ATRNL1: variants seen among roughly 807,000 people sequenced by gnomAD.
ATRNL1 encodes attractin-like protein 1.
A neutral mutation model predicts 182.7 loss-of-function variants in ATRNL1; 95 were observed. The observed-to-expected ratio is 0.52, with a 90% CI of 0.44 to 0.62. The LOEUF is 0.62. ATRNL1 is among the 20% of genes least tolerant of loss of function. The pLI is 0.00. For missense variants in ATRNL1, 1,471 were observed against 1,679.5 expected (o/e 0.88, Z 2.17); for synonymous variants, 576 against 568.3 (o/e 1.01, Z -0.19).
In ATRNL1 at chr10:115,802,750, C is replaced by T. The variant is rs535720551; in HGVS notation, c.3904-45127C>T. Among the ~76,000 whole-genome samples, 8 of 152,192 alleles carry T rather than the reference C, an allele frequency of 5.3e-5. No individual in the cohort carries two copies. The South Asian group carries it at 8.3e-4, about 16-fold the overall frequency. ...CAAAATGACATTCATCTATATGAGA[C>T]GTTTGTTAACTTAAAAGAAATTAAG... On this transcript the variant is annotated intron_variant, in intron 27 of 28. Transcript: ENST00000355044.
chr10:115,785,277 C>G (rs1555080140), intron 27 of ATRNL1, among the ~76,000 whole-genome samples: 1 of 152,206 alleles, frequency 6.6e-6, no homozygotes, highest in Non-Finnish European at 1.5e-5. Flanking sequence ...AATCTGAAAT[C>G]AAGCAGAGAA....
chr10:115,407,083 TTTTCA>T (rs1844867730), intron 20 of ATRNL1, among the ~76,000 whole-genome samples: 1 of 152,158 alleles, frequency 6.6e-6, no homozygotes, highest in Non-Finnish European at 1.5e-5. Flanking sequence ...CTTTAAAATA[TTTTCA>T]TTTATTTATT....
chr10:115,813,234 A>G (rs1950088297), intron 27 of ATRNL1, among the ~76,000 whole-genome samples: 1 of 152,090 alleles, frequency 6.6e-6, no homozygotes, highest in Admixed American at 6.6e-5. Context: ...AAAGTATAAT[A>G]ATAATTAAAT....
chr10:115,114,368 A>G (rs912158499), intron 1 of ATRNL1, among the ~76,000 whole-genome samples: 2 of 152,212 alleles, frequency 1.3e-5, no homozygotes, highest in Non-Finnish European at 2.9e-5. Flanking sequence ...TTCCAAAAGC[A>G]CAGACAGCAA....
At chr10:115,463,052 C>T (rs922017249) in intron 22 of ATRNL1, among the ~76,000 whole-genome samples, 1 of 151,448 alleles carries the variant, frequency 6.6e-6, no homozygotes. Context: ...ATGAATTCAT[C>T]CATATTGTTA....
At chr10:115,222,120 T>A (rs1403090853) in intron 9 of ATRNL1, among the ~76,000 whole-genome samples, 1 of 151,982 alleles carries the variant, frequency 6.6e-6, no homozygotes, top group South Asian at 2.1e-4. Flanking sequence ...TGGATACTCA[T>A]ACTTATGAAT....
At chr10:115,880,489 G>GTGCT (rs1951802539) in intron 28 of ATRNL1, among the ~76,000 whole-genome samples, 1 of 152,198 alleles carries the variant, frequency 6.6e-6, no homozygotes, top group Admixed American at 6.5e-5. Flanking sequence ...TTAGCCAGGA[G>GTGCT]TGCTGATGGG....
At chr10:115,615,483 T>C (rs1857382594) in intron 26 of ATRNL1, among the ~76,000 whole-genome samples, 2 of 152,100 alleles carry the variant, frequency 1.3e-5, no homozygotes. Context: ...TGTTGAGAAA[T>C]CTGCTGTTAG....
At chr10:115,602,838 A>G (rs1447381520) in intron 26 of ATRNL1, among the ~76,000 whole-genome samples, 1 of 147,444 alleles carries the variant, frequency 6.8e-6, no homozygotes, top group Admixed American at 6.7e-5. Context: ...TGGGTGACAG[A>G]GCGAGACTCC....
intron 10 of ATRNL1, among the ~76,000 whole-genome samples, chr10:115,255,865 C>T (rs1483938232): frequency 3.9e-5 from 6 of 152,138 alleles, no homozygotes; most frequent in Non-Finnish European, 7.3e-5. Context: ...TGAATTTTGT[C>T]GAAGGCCTTT....
chr10:115,325,325 G>T (rs115312747), intron 18 of ATRNL1, among the ~76,000 whole-genome samples: 1,961 of 152,234 alleles, frequency 0.013, 36 homozygotes, highest in African/African-American at 0.044. Context: ...TTATGTGCAA[G>T]CTGACATTAC....
chr10:115,547,560 G>T (rs1205131910), intron 25 of ATRNL1, among the ~76,000 whole-genome samples: 1 of 152,008 alleles, frequency 6.6e-6, no homozygotes, highest in Admixed American at 6.6e-5. Context: ...CTTTCTCTTT[G>T]GGGGCAAGAG....
At chr10:115,412,420 T>C (rs975589054) in intron 20 of ATRNL1, among the ~76,000 whole-genome samples, 16 of 152,298 alleles carry the variant, frequency 1.1e-4, no homozygotes, top group Middle Eastern at 3.4e-3. Context: ...CTGCTGTGAC[T>C]CTGAATCAGA....
At chr10:115,728,430 T>C (rs1478859824) in intron 27 of ATRNL1, among the ~76,000 whole-genome samples, 1 of 151,980 alleles carries the variant, frequency 6.6e-6, no homozygotes, top group Non-Finnish European at 1.5e-5. Flanking sequence ...TGTGGTAAGA[T>C]ATATTTAAGT....
At chr10:115,431,277 C>T (rs903158037) in intron 21 of ATRNL1, among the ~76,000 whole-genome samples, 4 of 151,670 alleles carry the variant, frequency 2.6e-5, no homozygotes, top group African/African-American at 9.7e-5. Context: ...TGGTGGTGTG[C>T]GCCTGTAATC....
chr10:115,830,430 C>T (rs564939199), intron 27 of ATRNL1, among the ~76,000 whole-genome samples: 351 of 152,162 alleles, frequency 2.3e-3, no homozygotes, highest in Middle Eastern at 6.8e-3. Flanking sequence ...TGCACATAGG[C>T]CATGCTCAAT....
chr10:115,469,268 G>T lies in ATRNL1; in HGVS notation c.3593G>T (p.Ser1198Ile). The T allele has an allele frequency of 6.5e-7, 1 of 1,531,826 alleles. No individual in the cohort carries two copies. The highest frequency in any genetic ancestry group is 2.2e-5 in the Admixed American group (1 of 46,332). 94.9% of individuals were successfully genotyped at this position (1,531,826 alleles called of 1,614,324 possible). The change falls in exon 24 of 29, where the codon AGC (serine) becomes ATC (isoleucine). Residue 1198 changes from serine (S) to isoleucine (I), a missense_variant. Physicochemically the swap from Ser to Ile is moderately radical, Grantham distance 142. Coordinates refer to ENST00000355044, the MANE Select transcript of ATRNL1 (RefSeq NM_207303.4). The part of the protein sequence containing the change: ...SFSYEKFNFR[S>I]NPNITFYVYV... The stretch of plus-strand genomic sequence containing the variant: ...TCCTATGAAAAATTTAACTTTAGAA[G>T]CAATCCTAACATTACATTCTATGTG...
At chr10:115,612,154 A>T (rs1857194321) in intron 26 of ATRNL1, among the ~76,000 whole-genome samples, 1 of 152,058 alleles carries the variant, frequency 6.6e-6, no homozygotes, top group African/African-American at 2.4e-5. Context: ...TGGGAGGCTG[A>T]GGCAGGAGAA....
chr10:115,727,586 C>T (rs1447174509), intron 27 of ATRNL1, among the ~76,000 whole-genome samples: 1 of 152,192 alleles, frequency 6.6e-6, no homozygotes, highest in Non-Finnish European at 1.5e-5. Context: ...ACAGACTGCT[C>T]ACCTGGCAGC....
Sources: allele counts gnomAD v4.1 joint callset (sites outside exome capture counted in the v4.1 genomes callset), GRCh38; gene constraint gnomAD v4.1.1; transcripts MANE v1.5; gene names NCBI Gene and HGNC (gene_info 2026-07-23, HGNC 2026-07-21).